SCUBE1: variants seen among roughly 807,000 people sequenced by gnomAD.
SCUBE1 encodes the protein signal peptide, CUB domain and EGF like domain containing 1, also known as signal peptide, CUB and EGF-like domain-containing protein 1.
A neutral mutation model predicts 124.4 loss-of-function variants in SCUBE1; 59 were observed. The ratio of observed to expected loss-of-function variants is 0.47; its 90% CI spans 0.38 to 0.59. The LOEUF is 0.59. Among genes scored for constraint, SCUBE1 ranks in the 20% least tolerant of loss-of-function variants. SCUBE1 has a pLI of 0.00. For synonymous variants in SCUBE1, 545 were observed against 550.9 expected (o/e 0.99, Z 0.15); for missense variants, 1,150 against 1,371.2 (o/e 0.84, Z 2.55).
At chr22:43,268,986 C>T (rs959506963) in intron 4 of SCUBE1, among the ~76,000 whole-genome samples, 2 of 152,144 alleles carry the variant, frequency 1.3e-5, no homozygotes, top group African/African-American at 4.8e-5. Context: ...GGATTGGACA[C>T]ATTTAAGAGC....
chr22:43,277,203 C>G (rs1569007529), intron 4 of SCUBE1, among the ~76,000 whole-genome samples: 1 of 152,070 alleles, frequency 6.6e-6, no homozygotes, highest in Non-Finnish European at 1.5e-5. Context: ...ACAGAGGGAG[C>G]TGTGTGGGCA....
intron 6 of SCUBE1, among the ~76,000 whole-genome samples, chr22:43,249,329 C>G (rs5001597): frequency 0.33 from 44,763 of 136,656 alleles, 7,000 homozygotes; most frequent in Admixed American, 0.36. Flanking sequence ...CTGGGGTGGA[C>G]GGGAGCTGGG....
intron 2 of SCUBE1, among the ~76,000 whole-genome samples, chr22:43,338,139 T>C (rs1319290803): frequency 6.6e-6 from 1 of 152,062 alleles, no homozygotes; most frequent in South Asian, 2.1e-4. Context: ...CCCAGACCCA[T>C]GGGGTGAGGA....
In SCUBE1 at chr22:43,292,708, A is replaced by G. The variant is rs143735385; in HGVS notation, c.350-1528T>C. On this transcript the variant is annotated intron_variant, in intron 3 of 21. Transcript: ENST00000360835. Reference sequence around the variant, plus strand: ...TTGGTGACCTGCACTGAACTGGGAGAGGACTTGGCTGTGGAGCGATTTGAG... The same window carrying G: ...TTGGTGACCTGCACTGAACTGGGAGGGGACTTGGCTGTGGAGCGATTTGAG... Among the ~76,000 whole-genome samples, 41 of 152,326 alleles carry G rather than the reference A, an allele frequency of 2.7e-4. 1 individual carries two copies. The East Asian group carries it at 2.9e-3, about 11-fold the overall frequency.
At chr22:43,337,801 T>C (rs1292020084) in intron 2 of SCUBE1, among the ~76,000 whole-genome samples, 1 of 152,228 alleles carries the variant, frequency 6.6e-6, no homozygotes, top group African/African-American at 2.4e-5. Flanking sequence ...AAACGCCTTA[T>C]ACAGAAAGAG....
chr22:43,287,226 C>G (rs1164479099), intron 4 of SCUBE1, among the ~76,000 whole-genome samples: 1 of 152,160 alleles, frequency 6.6e-6, no homozygotes, highest in African/African-American at 2.4e-5. Context: ...CCAGTGTGGG[C>G]ACAGAGGAGG....
chr22:43,284,670 G>C (rs918523403), intron 4 of SCUBE1, among the ~76,000 whole-genome samples: 3 of 152,228 alleles, frequency 2.0e-5, no homozygotes, highest in Admixed American at 2.0e-4. Context: ...CTGTAAGGAC[G>C]CAATGAATGG....
chr22:43,278,049 AGGCCAGGAGAGG>A (rs886377421), intron 4 of SCUBE1, among the ~76,000 whole-genome samples: 5 of 152,228 alleles, frequency 3.3e-5, no homozygotes, highest in Non-Finnish European at 7.4e-5. Context: ...GCTCAAGGCC[AGGCCAGGAGAGG>A]GGCGTGAAGC....
chr22:43,205,885 A>C (rs947819278), intron 21 of SCUBE1, among the ~76,000 whole-genome samples: 1 of 31,800 alleles, frequency 3.1e-5, no homozygotes, highest in African/African-American at 1.3e-4. Flanking sequence ...CCCACCACAC[A>C]CCCCTCACCA....
chr22:43,266,657 C>T (rs1365095594), intron 4 of SCUBE1, among the ~76,000 whole-genome samples: 2 of 152,212 alleles, frequency 1.3e-5, no homozygotes, highest in South Asian at 2.1e-4. Context: ...AGTTCTCCTA[C>T]CTTGGGGTCA....
chr22:43,306,541 C>CACGAACACACACTCCT (rs1192367035), intron 3 of SCUBE1, among the ~76,000 whole-genome samples: 1 of 152,078 alleles, frequency 6.6e-6, no homozygotes, highest in Non-Finnish European at 1.5e-5. Context: ...AGGATGGGAT[C>CACGAACACACACTCCT]ACGAACACAC....
chr22:43,260,853 C>A (rs187073098), intron 5 of SCUBE1, among the ~76,000 whole-genome samples: 1 of 152,326 alleles, frequency 6.6e-6, no homozygotes. Flanking sequence ...GCTCACAGGG[C>A]CCTGCCTAGT....
At chr22:43,339,330 G>T in intron 1 of SCUBE1, 95 bp from the exon 2 acceptor site, 1 of 1,266,654 alleles carries the variant, frequency 7.9e-7, no homozygotes, top group Non-Finnish European at 1.1e-6. Flanking sequence ...GCCTTTGCCC[G>T]TCCATTGATC....
Position 43,197,526 on chromosome 22 carries a change from G to A in SCUBE1, c.*6471C>T, listed in dbSNP as rs1241387918. On this transcript the variant is annotated 3_prime_UTR_variant, in exon 22 of 22. Transcript: ENST00000360835. ...ACAGCGCCCTGGTGTCCTGTTCCCC[G>A]AGCAATGTGGCCTGCGTCTGCTCGG... 2 of 152,268 alleles carry A rather than the reference G, an allele frequency of 1.3e-5. No individual in the cohort carries two copies. Among genetic ancestry groups the A allele is most frequent in the Admixed American group, 1.3e-4 (2 of 15,286 alleles). 9.4% of individuals were successfully genotyped at this position (152,268 alleles called of 1,614,324 possible). A position where few individuals can be genotyped will look rare whatever the true frequency, so the allele number is the denominator to read the frequency against.
intron 7 of SCUBE1, 155 bp from the exon 8 acceptor site, chr22:43,232,030 GGGGTGGGGGCCCTGTCTCGCAGGGGTCA>G: frequency 1.3e-6 from 1 of 785,346 alleles, no homozygotes; most frequent in South Asian, 1.7e-5. Flanking sequence ...GCTGTGCAGA[GGGGTGGGGGCCCTGTCTCGCAGGGGTCA>G]GGGTCGGGGC....
Position 43,234,140 on chromosome 22 carries a change from T to C in SCUBE1, c.845-2265A>G, listed in dbSNP as rs1371508162. On this transcript the variant is annotated intron_variant, in intron 7 of 21. Coordinates refer to ENST00000360835, the MANE Select transcript of SCUBE1 (RefSeq NM_173050.5). The surrounding 1 kb of genome is among the most constrained non-coding windows in gnomAD (Gnocchi z 4.4). ...CAGGGCGGAGGCTTAGGAATCTCTA[T>C]CATTCCTTCCCCCCGAGCCCCGGGA... Among the ~76,000 whole-genome samples the C allele has an allele frequency of 6.6e-6, 1 of 151,854 alleles. No homozygotes were observed. Among genetic ancestry groups the C allele is most frequent in the African/African-American group, 2.4e-5 (1 of 41,330 alleles).
At chr22:43,284,745 T>C (rs115950297) in intron 4 of SCUBE1, among the ~76,000 whole-genome samples, 3,657 of 149,864 alleles carry the variant, frequency 0.024, 154 homozygotes, top group African/African-American at 0.084. Context: ...ATGCAGCTCT[T>C]GCAATCATCA....
rs145527911 is a variant in SCUBE1, at chr22:43,212,561, A to G, written c.2085T>C (p.Asp695=). ...GGCAGGCCTGGCAGGGCTTGAAGCC[A>G]TCGGCCGAGAAGAAGCCTGGAGAAC... ...GQCSPGFFSA[D]GFKPCQACPV... Residue 695 remains aspartate (D), a synonymous_variant, in exon 17 of 22, where the codon GAT becomes GAC. Transcript: ENST00000360835. 2.6e-6 allele frequency: 4 copies of G among 1,566,032 alleles called. No individual in the cohort carries two copies. Among genetic ancestry groups the G allele is most frequent in the African/African-American group, 1.4e-5 (1 of 73,522 alleles).
At chr22:43,227,267 G>C in intron 10 of SCUBE1, 107 bp downstream of exon 10, 1 of 1,319,638 alleles carries the variant, frequency 7.6e-7, no homozygotes, top group Non-Finnish European at 1.0e-6. Flanking sequence ...AAGGCCTAGA[G>C]GAAAGGGAGG....
Sources: gnomAD v4.1 joint callset for allele counts (sites outside exome capture counted in the v4.1 genomes callset) on GRCh38, gnomAD v4.1.1 for gene constraint, Gnocchi (gnomAD v3.1) non-coding constraint, MANE v1.5 for transcripts, NCBI Gene and HGNC (gene_info 2026-07-23, HGNC 2026-07-21) for gene names.